The following ZNF532 variants were observed in gnomAD, a reference collection of about 807,000 sequenced individuals.
The protein encoded by ZNF532 is zinc finger protein 532.
In ZNF532, 22 loss-of-function variants were observed where a neutral mutation model predicts 89.3. The ratio of observed to expected loss-of-function variants is 0.25; its 90% confidence interval spans 0.18 to 0.35. ZNF532 has a LOEUF of 0.35. ZNF532 is among the 10% of genes least tolerant of loss of function. The pLI is 1.00. For synonymous variants in ZNF532, 606 were observed against 649.6 expected (o/e 0.93, Z 1.02); for missense variants, 1,132 against 1,643.4 (o/e 0.69, Z 5.38).
In ZNF532 at chr18:58,919,510, C is replaced by T. The variant is rs765733446; in HGVS notation, c.1223C>T (p.Ser408Leu). 12 of 1,614,154 alleles carry T rather than the reference C, an allele frequency of 7.4e-6. No homozygotes were observed. Among genetic ancestry groups the T allele is most frequent in the African/African-American group, 1.3e-5 (1 of 75,044 alleles). The change falls in exon 3 of 10, where the codon TCG (serine) becomes TTG (leucine). Residue 408 changes from serine (S) to leucine (L), a missense_variant. Around this residue, in one of 9 missense-constraint regions of ZNF532, gnomAD observed 124 missense variants for 191.6 expected, o/e 0.65. Coordinates refer to ENST00000591808, the MANE Select transcript of ZNF532 (RefSeq NM_001375912.1). This position sits in a 1 kb window ranked among gnomAD's most constrained non-coding sequence, Gnocchi z 6.1. ...ATGGCCTCTGTGACATCCCTTCTGT[C>T]GTCTCCAGCATCAGCCGCCGTCCTT... ...SVMASVTSLLSSPASAAVLSS... is the reference protein window; with the variant it reads ...SVMASVTSLLLSPASAAVLSS...
At chr18:58,896,051 C>T (rs1004156908) in intron 2 of ZNF532, among the ~76,000 whole-genome samples, 4 of 152,004 alleles carry the variant, frequency 2.6e-5, no homozygotes, top group African/African-American at 9.7e-5. Context: ...TGAGGTCTCA[C>T]TCTGTTGCCC....
At chr18:58,901,332 C>T (rs911976689) in intron 2 of ZNF532, among the ~76,000 whole-genome samples, 6 of 152,174 alleles carry the variant, frequency 3.9e-5, no homozygotes, top group Admixed American at 3.9e-4. Flanking sequence ...CCTCAGTCCT[C>T]CCGCCTCAGC....
chr18:58,965,024 AACTT>A (rs1202409405), intron 7 of ZNF532, among the ~76,000 whole-genome samples: 5 of 149,046 alleles, frequency 3.4e-5, no homozygotes, highest in Non-Finnish European at 7.4e-5. Context: ...TTTTAATACT[AACTT>A]TTATTATAAT....
At chr18:58,933,348 G>A (rs899060400) in intron 3 of ZNF532, among the ~76,000 whole-genome samples, 3 of 151,970 alleles carry the variant, frequency 2.0e-5, no homozygotes, top group Admixed American at 6.6e-5. Flanking sequence ...TAAGTCACTC[G>A]GAAGTTTAAA....
chr18:58,955,939 C>T (rs1174737852), intron 7 of ZNF532, among the ~76,000 whole-genome samples: 1 of 152,118 alleles, frequency 6.6e-6, no homozygotes, highest in Admixed American at 6.5e-5. Flanking sequence ...ACTTGGCACC[C>T]CTACCAGATT....
chr18:58,934,648 C>T, intron 4 of ZNF532, 34 bp downstream of exon 4: 5 of 1,591,670 alleles, frequency 3.1e-6, no homozygotes, highest in Non-Finnish European at 4.3e-6. Flanking sequence ...GCAAGTAAAA[C>T]TCGTTCACTT....
intron 4 of ZNF532, 58 bp from the exon 5 acceptor site, chr18:58,939,387 G>A: frequency 1.4e-6 from 2 of 1,454,694 alleles, no homozygotes; most frequent in Non-Finnish European, 1.8e-6. Context: ...CCCAGTTTTT[G>A]CAGTTACACG....
chr18:58,984,614 TA>T lies in ZNF532; in HGVS notation c.*149del. 2 of 917,980 alleles carry T rather than the reference TA, an allele frequency of 2.2e-6. No individual in the cohort carries two copies. The highest frequency in any genetic ancestry group is 3.2e-6 in the Non-Finnish European group (2 of 619,332). The allele number at this position is 917,980 out of a possible 1,614,324, so 56.9% of individuals were successfully genotyped here. A position where few individuals can be genotyped will look rare whatever the true frequency, so the allele number is the denominator to read the frequency against. On this transcript the variant is annotated 3_prime_UTR_variant, in exon 10 of 10. Coordinates refer to ENST00000591808, the MANE Select transcript of ZNF532 (RefSeq NM_001375912.1). ...CAATGTACCTTCCTTCACCTCGTCG[TA>T]TATATCCTCGATAAGTATTAAAACA...
chr18:58,920,759 T>C, intron 3 of ZNF532, 126 bp downstream of exon 3: 1 of 625,260 alleles, frequency 1.6e-6, no homozygotes, highest in Non-Finnish European at 2.7e-6. Flanking sequence ...TGTGTGTGTG[T>C]GTGTGTGTGT....
intron 6 of ZNF532, among the ~76,000 whole-genome samples, chr18:58,951,121 G>A (rs1603277971): frequency 6.6e-6 from 1 of 152,092 alleles, no homozygotes; most frequent in African/African-American, 2.4e-5. Context: ...ACGCCTGGCC[G>A]ATTTTTGTAT....
chr18:58,875,926 G>A (rs1280636775), intron 2 of ZNF532, among the ~76,000 whole-genome samples: 2 of 145,280 alleles, frequency 1.4e-5, no homozygotes, highest in Non-Finnish European at 3.0e-5. Flanking sequence ...AAATCACTTG[G>A]GGATCTTTTT....
chr18:58,886,454 C>G (rs1263711171), intron 2 of ZNF532, among the ~76,000 whole-genome samples: 1 of 151,956 alleles, frequency 6.6e-6, no homozygotes, highest in Admixed American at 6.6e-5. Flanking sequence ...TGACTCTAAC[C>G]TCACTTTTAA....
At chr18:58,938,012 TGATTTTAACA>T (rs1485481458) in intron 4 of ZNF532, among the ~76,000 whole-genome samples, 2 of 152,260 alleles carry the variant, frequency 1.3e-5, no homozygotes, top group Admixed American at 1.3e-4. Context: ...GCGTTAGTTA[TGATTTTAACA>T]GAATGCTTGC....
chr18:58,948,417 C>T (rs1333757999), intron 6 of ZNF532, among the ~76,000 whole-genome samples, 188 bp downstream of exon 6: 1 of 152,184 alleles, frequency 6.6e-6, no homozygotes, highest in Non-Finnish European at 1.5e-5. Context: ...GCTTTTCATT[C>T]AGGAGTCCTG....
At chr18:58,979,393 T>TATCCCACATACATTGTGTG (rs2067449618) in intron 8 of ZNF532, 1 of 225,520 alleles carries the variant, frequency 4.4e-6, no homozygotes, top group Non-Finnish European at 7.9e-6. Flanking sequence ...ACATTGTGTG[T>TATCCCACATACATTGTGTG]TTTTTTTTTC....
chr18:58,963,997 T>C (rs1288807529), intron 7 of ZNF532: 2 of 152,192 alleles, frequency 1.3e-5, no homozygotes, highest in African/African-American at 4.8e-5. Context: ...CTTCGTGCTG[T>C]ACTGTGGTGA....
intron 2 of ZNF532, among the ~76,000 whole-genome samples, chr18:58,912,520 G>C (rs572115484): frequency 6.6e-6 from 1 of 152,300 alleles, no homozygotes; most frequent in Non-Finnish European, 1.5e-5. Flanking sequence ...CAGCAGTGCT[G>C]ACAGGTCAGA....
chr18:58,902,378 G>A (rs4940774), intron 2 of ZNF532, among the ~76,000 whole-genome samples: 15,662 of 152,122 alleles, frequency 0.1, 1,400 homozygotes, highest in East Asian at 0.39. Context: ...CTTTTTTTGA[G>A]ATAGGGTCTC....
chr18:58,897,339 C>T (rs1405847053), intron 2 of ZNF532, among the ~76,000 whole-genome samples: 1 of 152,040 alleles, frequency 6.6e-6, no homozygotes, highest in Non-Finnish European at 1.5e-5. Context: ...CTTCTAAATG[C>T]ATTGAGGTTG....
Sources: allele counts gnomAD v4.1 joint callset (sites outside exome capture counted in the v4.1 genomes callset), GRCh38; gene constraint gnomAD v4.1.1; regional missense constraint gnomAD v4.1.1; non-coding constraint Gnocchi (gnomAD v3.1); transcripts MANE v1.5; gene names NCBI Gene and HGNC (gene_info 2026-07-23, HGNC 2026-07-21).